The following L3MBTL4 variants were observed in gnomAD, a reference collection of about 807,000 sequenced individuals.
L3MBTL4 encodes L3MBTL histone methyl-lysine binding protein 4.
A neutral mutation model predicts 84.5 loss-of-function variants in L3MBTL4; 70 were observed. The ratio of observed to expected loss-of-function variants is 0.83; its 90% CI spans 0.68 to 1.01. L3MBTL4 has a LOEUF of 1.01. L3MBTL4 is among the 50% of genes least tolerant of loss of function. The pLI is 0.00. For missense variants in L3MBTL4, 715 were observed against 754.8 expected (o/e 0.95, Z 0.62); for synonymous variants, 274 against 259.8 (o/e 1.05, Z -0.52).
At chr18:6,363,650 G>A (rs1486386068) in intron 1 of L3MBTL4, among the ~76,000 whole-genome samples, 1 of 149,454 alleles carries the variant, frequency 6.7e-6, no homozygotes, top group African/African-American at 2.4e-5. Context: ...GTAATTCCAA[G>A]AAGAAACGAC....
chr18:5,962,651 T>C (rs1346297147), intron 17 of L3MBTL4, among the ~76,000 whole-genome samples: 1 of 152,164 alleles, frequency 6.6e-6, no homozygotes, highest in Non-Finnish European at 1.5e-5. Flanking sequence ...ACTGGGTAGA[T>C]ATTTTTAGAG....
intron 1 of L3MBTL4, among the ~76,000 whole-genome samples, chr18:6,403,740 T>TA (rs2055606066): frequency 6.6e-6 from 1 of 152,188 alleles, no homozygotes; most frequent in African/African-American, 2.4e-5. Flanking sequence ...GCAATCCCAC[T>TA]ACTGGGTATC....
At chr18:6,193,994 CGAA>C (rs2145560191) in intron 12 of L3MBTL4, among the ~76,000 whole-genome samples, 1 of 152,076 alleles carries the variant, frequency 6.6e-6, no homozygotes, top group South Asian at 2.1e-4. Flanking sequence ...TTTGTGGGGT[CGAA>C]GAAGGAAGAA....
At chr18:6,232,148 G>T (rs563105419) in intron 10 of L3MBTL4, among the ~76,000 whole-genome samples, 39 of 152,126 alleles carry the variant, frequency 2.6e-4, no homozygotes, top group African/African-American at 9.4e-4. Flanking sequence ...ATAGCATGTG[G>T]TTTTTTCTCT....
chr18:6,083,468 T>A (rs2058149398), intron 15 of L3MBTL4, among the ~76,000 whole-genome samples: 1 of 152,188 alleles, frequency 6.6e-6, no homozygotes, highest in Admixed American at 6.6e-5. Context: ...GGACTTCATC[T>A]TGTGGGCAGT....
chr18:6,099,551 A>G (rs1258193510), intron 14 of L3MBTL4, among the ~76,000 whole-genome samples: 1 of 113,016 alleles, frequency 8.8e-6, no homozygotes, highest in African/African-American at 2.8e-5. Flanking sequence ...CAAAACCTAA[A>G]TTTTTATATA....
intron 12 of L3MBTL4, among the ~76,000 whole-genome samples, chr18:6,198,976 GA>G (rs2145626801): frequency 6.6e-6 from 1 of 152,246 alleles, no homozygotes; most frequent in African/African-American, 2.4e-5. Flanking sequence ...TGTAATTACT[GA>G]TTTTTCCAAA....
intron 1 of L3MBTL4, chr18:6,356,734 G>C (rs2143902129): frequency 6.6e-6 from 1 of 152,374 alleles, no homozygotes; most frequent in East Asian, 1.9e-4. Context: ...ATCAGTGAAT[G>C]AGCGGTGAGT....
chr18:6,321,291 C>G (rs2051390009), intron 1 of L3MBTL4, among the ~76,000 whole-genome samples: 1 of 152,132 alleles, frequency 6.6e-6, no homozygotes, highest in Admixed American at 6.5e-5. Flanking sequence ...AATAAACAGA[C>G]AACCCAGAGA....
chr18:6,168,663 T>C (rs1396757448), intron 13 of L3MBTL4, among the ~76,000 whole-genome samples: 1 of 151,670 alleles, frequency 6.6e-6, no homozygotes, highest in Non-Finnish European at 1.5e-5. Context: ...TTACACCTTA[T>C]ACAAAAATTA....
At chr18:6,405,403 G>C (rs1024904951) in intron 1 of L3MBTL4, among the ~76,000 whole-genome samples, 1 of 152,214 alleles carries the variant, frequency 6.6e-6, no homozygotes, top group South Asian at 2.1e-4. Context: ...GCCGCTCTGC[G>C]ACCTGCACAA....
At chr18:6,223,101 C>A (rs1052020679) in intron 10 of L3MBTL4, among the ~76,000 whole-genome samples, 24 of 151,988 alleles carry the variant, frequency 1.6e-4, no homozygotes, top group African/African-American at 5.8e-4. Flanking sequence ...GTAGGTCCAG[C>A]CAATTGGTGA....
chr18:6,241,648 A>G (rs111950500), intron 7 of L3MBTL4, among the ~76,000 whole-genome samples, 199 bp from the exon 8 acceptor site: 1,722 of 152,296 alleles, frequency 0.011, 31 homozygotes, highest in African/African-American at 0.039. Flanking sequence ...CCCACAAAAG[A>G]TTTAAATTAA....
intron 1 of L3MBTL4, among the ~76,000 whole-genome samples, chr18:6,386,290 G>A (rs914386196): frequency 6.6e-6 from 1 of 152,196 alleles, no homozygotes; most frequent in Non-Finnish European, 1.5e-5. Context: ...GAAGAGCATA[G>A]GCCTTGGTGC....
chr18:6,030,806 G>T (rs146856680), intron 16 of L3MBTL4: 4 of 984,742 alleles, frequency 4.1e-6, no homozygotes, highest in Non-Finnish European at 4.8e-6. Flanking sequence ...AACGTCTTAC[G>T]ATAATGAAGT....
At chr18:6,162,955 T>A (rs939416726) in intron 13 of L3MBTL4, among the ~76,000 whole-genome samples, 1 of 152,128 alleles carries the variant, frequency 6.6e-6, no homozygotes, top group East Asian at 1.9e-4. Flanking sequence ...TGAAGGGCTT[T>A]GTGTGCATGC....
At chr18:6,030,953 A>G (rs2055768774) in intron 16 of L3MBTL4, 1 of 984,926 alleles carries the variant, frequency 1.0e-6, no homozygotes, top group African/African-American at 1.7e-5. Flanking sequence ...TGAAATACTC[A>G]ATGAACGAAC....
At chr18:6,204,551 T>C (rs758436430) in intron 12 of L3MBTL4, among the ~76,000 whole-genome samples, 2 of 152,232 alleles carry the variant, frequency 1.3e-5, no homozygotes, top group Non-Finnish European at 2.9e-5. Context: ...CATGTATACA[T>C]AGATACACAT....
chr18:6,332,189 T>C (rs981871444), intron 1 of L3MBTL4, among the ~76,000 whole-genome samples: 1 of 152,186 alleles, frequency 6.6e-6, no homozygotes, highest in Non-Finnish European at 1.5e-5. Context: ...AATGCTACCC[T>C]ACAAGCCCTG....
Sources: allele counts gnomAD v4.1 joint callset (sites outside exome capture counted in the v4.1 genomes callset), GRCh38; gene constraint gnomAD v4.1.1; transcripts MANE v1.5; gene names NCBI Gene and HGNC (gene_info 2026-07-23, HGNC 2026-07-21).